Variants in PRELID2 observed in about 807,000 individuals in gnomAD.
The protein encoded by PRELID2 is PRELI domain containing 2, also known as PRELI domain-containing protein 2.
In PRELID2, 25 loss-of-function variants were observed where a neutral mutation model predicts 28.4. The ratio of observed to expected loss-of-function variants is 0.88; its 90% confidence interval spans 0.64 to 1.23. PRELID2 has a LOEUF of 1.23. Among genes scored for constraint, PRELID2 ranks in the 50% most tolerant of loss-of-function variants. The probability of loss-of-function intolerance (pLI) is 0.00; values close to 1 mark genes in which losing one functional copy is unlikely to be tolerated. For missense variants in PRELID2, 201 were observed against 214.4 expected (o/e 0.94, Z 0.39); for synonymous variants, 76 against 71.6 (o/e 1.06, Z -0.31).
chr5:145,356,382 G>T, the PRELID2 span, among the ~76,000 whole-genome samples: 193 of 151,772 alleles, frequency 1.3e-3, 1 homozygote, highest in African/African-American at 4.4e-3. Flanking sequence ...ATAATATCCC[G>T]CTATTATTGT....
In PRELID2 at chr5:145,777,363, C is replaced by T. The variant is rs375397404; in HGVS notation, c.475-12363G>A. On this transcript the variant is annotated intron_variant, in intron 5 of 6. Transcript: ENST00000683046. ...GATTACAGGCATGCATGAGCCACTG[C>T]ACCTAGCATGAGAGGAAATTTTCAG... 5.4e-3 allele frequency among the ~76,000 whole-genome samples: 816 copies of T among 152,206 alleles called. 7 individuals carry two copies. Among genetic ancestry groups the T allele is most frequent in the African/African-American group, 0.019 (774 of 41,522 alleles).
chr5:145,478,723 T>A (rs1752129998), intron 1 of PRELID2, among the ~76,000 whole-genome samples: 2 of 152,214 alleles, frequency 1.3e-5, no homozygotes, highest in East Asian at 3.8e-4. Context: ...AAGTTTAGAA[T>A]TATAAATGTT....
At chr5:145,491,905 A>G (rs1752273149) in intron 1 of PRELID2, among the ~76,000 whole-genome samples, 1 of 152,150 alleles carries the variant, frequency 6.6e-6, no homozygotes. Flanking sequence ...ATAGTACTCC[A>G]GTTTGTATAT....
chr5:145,734,512 A>C (rs1209696839), intron 1 of PRELID2, among the ~76,000 whole-genome samples: 1 of 152,154 alleles, frequency 6.6e-6, no homozygotes, highest in Non-Finnish European at 1.5e-5. Context: ...ATATAACTCA[A>C]CTTTTGAGAC....
the PRELID2 span, among the ~76,000 whole-genome samples, chr5:145,391,163 A>C: frequency 6.6e-6 from 1 of 152,140 alleles, no homozygotes; most frequent in African/African-American, 2.4e-5. Context: ...GGTCTGGAGG[A>C]TGGTGGCCCT....
chr5:145,791,980 C>T (rs1279950265), intron 5 of PRELID2, among the ~76,000 whole-genome samples: 1 of 152,168 alleles, frequency 6.6e-6, no homozygotes, highest in African/African-American at 2.4e-5. Flanking sequence ...AAGATATTCA[C>T]TTGCCCCTCA....
At chr5:145,444,694 ATATACAGC>A in the PRELID2 span, among the ~76,000 whole-genome samples, 1 of 152,036 alleles carries the variant, frequency 6.6e-6, no homozygotes, top group Non-Finnish European at 1.5e-5. Flanking sequence ...TTAGCTAATG[ATATACAGC>A]TACACAATGA....
At chr5:145,327,528 G>T in the PRELID2 span, among the ~76,000 whole-genome samples, 7 of 152,114 alleles carry the variant, frequency 4.6e-5, no homozygotes, top group South Asian at 1.2e-3. Flanking sequence ...GAAGTATCTT[G>T]TAGGAAGCAT....
chr5:145,430,362 C>T, the PRELID2 span, among the ~76,000 whole-genome samples: 5 of 152,124 alleles, frequency 3.3e-5, no homozygotes, highest in African/African-American at 1.2e-4. Context: ...TTATTTCTTG[C>T]TCATGGTACA....
At chr5:145,636,170 C>T (rs1753999594) in intron 1 of PRELID2, among the ~76,000 whole-genome samples, 1 of 152,170 alleles carries the variant, frequency 6.6e-6, no homozygotes, top group Non-Finnish European at 1.5e-5. Context: ...ATGATGGGTG[C>T]TATTGTTATA....
rs577257238 is a variant in PRELID2 at position 145,612,265 on chromosome 5, C to T, written n.71-138950G>A. On this transcript the variant is annotated intron_variant and non_coding_transcript_variant, in intron 1 of 2. Transcript: ENST00000510259. Reference sequence around the variant, plus strand: ...TTCATGTACTTAGGTAAGGGAAAGACTTATATAATCTTAAAGGAAAAGATT... The same window carrying T: ...TTCATGTACTTAGGTAAGGGAAAGATTTATATAATCTTAAAGGAAAAGATT... Among the ~76,000 whole-genome samples, 4 of 152,130 alleles carry T rather than the reference C, an allele frequency of 2.6e-5. No homozygotes were observed. The East Asian group carries it at 7.7e-4, about 29-fold the overall frequency.
At chr5:145,233,797 C>T in the PRELID2 span, among the ~76,000 whole-genome samples, 2 of 152,132 alleles carry the variant, frequency 1.3e-5, no homozygotes, top group African/African-American at 4.8e-5. Context: ...ACAAAGGCCA[C>T]AATGTCAGTT....
At chr5:145,576,101 C>T (rs1404792562) in intron 1 of PRELID2, among the ~76,000 whole-genome samples, 1 of 152,134 alleles carries the variant, frequency 6.6e-6, no homozygotes, top group East Asian at 1.9e-4. Context: ...CTTTTTGTAA[C>T]TATAACAGCT....
At chr5:145,649,386 G>A (rs1754249459) in intron 1 of PRELID2, among the ~76,000 whole-genome samples, 1 of 152,132 alleles carries the variant, frequency 6.6e-6, no homozygotes, top group East Asian at 1.9e-4. Flanking sequence ...TATAAAATAG[G>A]CTCTGTGTTA....
At chr5:145,584,119 T>C (rs1024835988) in intron 1 of PRELID2, among the ~76,000 whole-genome samples, 5 of 150,006 alleles carry the variant, frequency 3.3e-5, no homozygotes, top group Admixed American at 2.7e-4. Context: ...GAATAGAGAG[T>C]TCAGAAATAA....
At chr5:145,625,250 A>G (rs1481878567) in intron 1 of PRELID2, among the ~76,000 whole-genome samples, 1 of 152,202 alleles carries the variant, frequency 6.6e-6, no homozygotes, top group Non-Finnish European at 1.5e-5. Flanking sequence ...TCTCTTGTCC[A>G]GAACACATGT....
chr5:145,583,258 C>A (rs1326452900), intron 1 of PRELID2, among the ~76,000 whole-genome samples: 3 of 151,976 alleles, frequency 2.0e-5, no homozygotes. Context: ...ATGTTAAAAG[C>A]TCTCAATAAA....
chr5:145,694,801 A>G (rs879797080), intron 1 of PRELID2, among the ~76,000 whole-genome samples: 12 of 134,778 alleles, frequency 8.9e-5, no homozygotes, highest in South Asian at 2.2e-4. Context: ...CATCCAAAGG[A>G]AAAAAAAAAA....
At chr5:145,459,902 C>T in the PRELID2 span, among the ~76,000 whole-genome samples, 2 of 151,798 alleles carry the variant, frequency 1.3e-5, no homozygotes, top group African/African-American at 2.4e-5. Flanking sequence ...CTCCAACTCC[C>T]GGGTTCAAGC....
Sources: allele counts gnomAD v4.1 joint callset (sites outside exome capture counted in the v4.1 genomes callset), GRCh38; gene constraint gnomAD v4.1.1; transcripts MANE v1.5; gene names NCBI Gene and HGNC (gene_info 2026-07-23, HGNC 2026-07-21).